The following BMPR2 variants were observed in gnomAD, a reference collection of about 807,000 sequenced individuals.
BMPR2 encodes the protein bone morphogenetic protein receptor type 2, also known as bone morphogenetic protein receptor type-2.
BMPR2 carries 29 observed loss-of-function variants against 100.8 expected under a neutral mutation model. That is an observed-to-expected ratio of 0.29 (90% confidence interval 0.21 to 0.39). The LOEUF is 0.39. Ranked by LOEUF, BMPR2 falls within the 10% of genes least tolerant of loss-of-function variation. BMPR2 has a pLI of 1.00. For missense variants in BMPR2, 1,011 were observed against 1,274.5 expected (o/e 0.79, Z 3.15); for synonymous variants, 382 against 442.3 (o/e 0.86, Z 1.71).
At chr2:202,485,538 C>G (rs1692756091) in intron 3 of BMPR2, among the ~76,000 whole-genome samples, 1 of 43,124 alleles carries the variant, frequency 2.3e-5, no homozygotes, top group Non-Finnish European at 4.9e-5. Context: ...TCTCCCTTTG[C>G]CTTTATCTTT....
chr2:202,488,889 A>G (rs1692838603), intron 3 of BMPR2, among the ~76,000 whole-genome samples: 1 of 151,796 alleles, frequency 6.6e-6, no homozygotes, highest in Non-Finnish European at 1.5e-5. Flanking sequence ...CAACTCACCA[A>G]TCTCCCCTGC....
chr2:202,567,538 T>C lies in BMPR2; in HGVS notation c.*7592T>C, dbSNP rs1688784605. 1 of 152,668 alleles carries C rather than the reference T, an allele frequency of 6.6e-6. No homozygotes were observed. Among genetic ancestry groups the C allele is most frequent in the Admixed American group, 6.5e-5 (1 of 15,286 alleles). The allele number at this position is 152,668 out of a possible 1,614,324, so 9.5% of individuals were successfully genotyped here. A position where few individuals can be genotyped will look rare whatever the true frequency, so the allele number is the denominator to read the frequency against. ...AATCACTTTTCTTTTGTATTATCTA[T>C]GGATGCCACTATGAAAGCTGACATT... On this transcript the variant is annotated 3_prime_UTR_variant, in exon 13 of 13. Transcript: ENST00000374580.
intron 7 of BMPR2, among the ~76,000 whole-genome samples, chr2:202,526,724 G>T (rs1475316689): frequency 6.6e-6 from 1 of 152,138 alleles, no homozygotes; most frequent in African/African-American, 2.4e-5. Context: ...AAGAATGATT[G>T]CCATCAGATA....
chr2:202,443,050 G>C (rs1691778701), intron 1 of BMPR2, among the ~76,000 whole-genome samples: 1 of 150,496 alleles, frequency 6.6e-6, no homozygotes, highest in South Asian at 2.1e-4. Flanking sequence ...CAATAGGGCT[G>C]GTTCCTTTAT....
intron 9 of BMPR2, among the ~76,000 whole-genome samples, chr2:202,537,175 C>T (rs371273282): frequency 6.6e-6 from 1 of 152,190 alleles, no homozygotes; most frequent in Non-Finnish European, 1.5e-5. Context: ...TGATTGCAGG[C>T]ATGAGCCACC....
chr2:202,510,144 C>T (rs372069729), intron 3 of BMPR2, among the ~76,000 whole-genome samples: 5 of 152,208 alleles, frequency 3.3e-5, no homozygotes, highest in East Asian at 1.9e-4. Flanking sequence ...TTTGGCTGGG[C>T]GCGGTGGCTT....
chr2:202,439,695 T>G (rs1379911988), intron 1 of BMPR2, among the ~76,000 whole-genome samples: 6 of 150,146 alleles, frequency 4.0e-5, no homozygotes, highest in Non-Finnish European at 8.8e-5. Flanking sequence ...AAGGAAAGTT[T>G]TTAGTTTTTC....
At chr2:202,410,766 A>T (rs1292834091) in intron 1 of BMPR2, among the ~76,000 whole-genome samples, 1 of 152,074 alleles carries the variant, frequency 6.6e-6, no homozygotes, top group Admixed American at 6.6e-5. Flanking sequence ...TTTTTAGTAG[A>T]GATGGGGTTT....
At position 202,532,874 on chromosome 2, in the gene BMPR2, T is replaced by C; in HGVS notation, c.1276+142T>C. ...CTTTAGTTCATTGCTATCTAGTGTT[T>C]AGAAACATTATTAGCAGCAGGATGC... is the stretch of plus-strand genomic sequence containing the variant. On this transcript the variant is annotated intron_variant, in intron 9 of 12. Transcript: ENST00000374580. This position sits in a 1 kb window ranked among gnomAD's most constrained non-coding sequence, Gnocchi z 4.1. 7.6e-6 allele frequency: 8 copies of C among 1,052,312 alleles called. No homozygotes were observed. The highest frequency in any genetic ancestry group is 1.6e-5 in the South Asian group (1 of 62,392). The allele number at this position is 1,052,312 out of a possible 1,614,324, so 65.2% of individuals were successfully genotyped here.
At position 202,560,927 on chromosome 2, in the gene BMPR2, T is replaced by A. The variant is rs1036301934; in HGVS notation, c.*981T>A. 3.9e-5 allele frequency: 6 copies of A among 152,348 alleles called. No homozygotes were observed. Among genetic ancestry groups the A allele is most frequent in the East Asian group, 1.9e-4 (1 of 5,192 alleles). 9.4% of individuals were successfully genotyped at this position (152,348 alleles called of 1,614,324 possible). A position where few individuals can be genotyped will look rare whatever the true frequency, so the allele number is the denominator to read the frequency against. The stretch of plus-strand genomic sequence containing the variant: ...ATTGGTAAGCTTATAGAGCTACACT[T>A]ATGGAATTTTTAAGTAGGTAAATAA... On this transcript the variant is annotated 3_prime_UTR_variant, in exon 13 of 13. Transcript: ENST00000374580.
At chr2:202,493,418 T>A (rs533988496) in intron 3 of BMPR2, among the ~76,000 whole-genome samples, 117 of 152,252 alleles carry the variant, frequency 7.7e-4, no homozygotes, top group African/African-American at 2.7e-3. Context: ...TGAGAGCATA[T>A]TTAATGGTGT....
At position 202,555,659 on chromosome 2, in the gene BMPR2, C is replaced by T; in HGVS notation, c.1994C>T (p.Thr665Ile). Reference sequence around the variant, plus strand: ...CAGCTGACAGAAGAAGACTTGGAAACCAACAAGCTAGACCCAAAAGAAGTT... The same window carrying T: ...CAGCTGACAGAAGAAGACTTGGAAATCAACAAGCTAGACCCAAAAGAAGTT... ...CLQLTEEDLE[T>I]NKLDPKEVDK... The change falls in exon 12 of 13, where the codon ACC becomes ATC. Residue 665 changes from threonine to isoleucine, a missense_variant. Thr to Ile is a moderately conservative substitution (Grantham distance 89, BLOSUM62 -1). Around this residue, in one of 6 missense-constraint regions of BMPR2, gnomAD observed 508 missense variants for 552.0 expected, o/e 0.92. Coordinates refer to ENST00000374580, the MANE Select transcript of BMPR2 (RefSeq NM_001204.7). 6.2e-7 allele frequency: 1 copy of T among 1,614,076 alleles called. No homozygotes were observed. Among genetic ancestry groups the T allele is most frequent in the Non-Finnish European group, 8.5e-7 (1 of 1,180,028 alleles).
chr2:202,378,438 G>A (rs1312371705), intron 1 of BMPR2, among the ~76,000 whole-genome samples: 2 of 152,110 alleles, frequency 1.3e-5, no homozygotes, highest in Non-Finnish European at 2.9e-5. Context: ...AATGGATTGT[G>A]CTTTTAAAAC....
At chr2:202,538,296 A>G (rs952710250) in intron 9 of BMPR2, among the ~76,000 whole-genome samples, 1 of 151,240 alleles carries the variant, frequency 6.6e-6, no homozygotes, top group African/African-American at 2.4e-5. Flanking sequence ...TCTACTAAAA[A>G]TATTTAAAAA....
chr2:202,500,595 A>G (rs1020886496), intron 3 of BMPR2, among the ~76,000 whole-genome samples: 1 of 152,198 alleles, frequency 6.6e-6, no homozygotes, highest in Non-Finnish European at 1.5e-5. Flanking sequence ...CCTGAAGCTC[A>G]TACAGGATTA....
Position 202,510,419 on chromosome 2 carries a change from G to C in BMPR2, c.419-3300G>C, listed in dbSNP as rs1188729265. On this transcript the variant is annotated intron_variant, in intron 3 of 12. Coordinates refer to ENST00000374580, the MANE Select transcript of BMPR2 (RefSeq NM_001204.7). ...ATTCAGTGATAAAAGGAAATGAACT[G>C]CTAAGCCACAAAAAGACATGGAGGA... Among the ~76,000 whole-genome samples, 3 of 152,118 alleles carry C rather than the reference G, an allele frequency of 2.0e-5. No homozygotes were observed. The East Asian group carries it at 5.8e-4, about 29-fold the overall frequency.
intron 3 of BMPR2, among the ~76,000 whole-genome samples, chr2:202,479,323 T>C (rs1032880528): frequency 1.3e-5 from 2 of 152,212 alleles, no homozygotes; most frequent in South Asian, 4.1e-4. Flanking sequence ...CAGCGATAGA[T>C]ACTGTCTTAG....
intron 1 of BMPR2, among the ~76,000 whole-genome samples, chr2:202,415,183 GA>G (rs1489054254): frequency 6.6e-6 from 1 of 151,932 alleles, no homozygotes; most frequent in African/African-American, 2.4e-5. Context: ...TAACTGGAGA[GA>G]AATTGTTGGG....
At chr2:202,510,028 AAC>A (rs1273251154) in intron 3 of BMPR2, among the ~76,000 whole-genome samples, 3 of 152,232 alleles carry the variant, frequency 2.0e-5, no homozygotes, top group African/African-American at 7.2e-5. Context: ...AGAATGTAAG[AAC>A]ACATTTAAAT....
Sources: allele counts gnomAD v4.1 joint callset (sites outside exome capture counted in the v4.1 genomes callset), GRCh38; gene constraint gnomAD v4.1.1; regional missense constraint gnomAD v4.1.1; non-coding constraint Gnocchi (gnomAD v3.1); transcripts MANE v1.5; gene names NCBI Gene and HGNC (gene_info 2026-07-23, HGNC 2026-07-21).